Variants in TMEM132B observed in about 807,000 individuals in gnomAD.
TMEM132B encodes the protein transmembrane protein 132B.
TMEM132B carries 18 observed loss-of-function variants against 90.8 expected under a neutral mutation model. The ratio of observed to expected loss-of-function variants is 0.20; its 90% CI spans 0.14 to 0.29. The LOEUF (loss-of-function observed/expected upper bound fraction) is 0.29. Ranked by LOEUF, TMEM132B falls within the 10% of genes least tolerant of loss-of-function variation. TMEM132B has a pLI of 1.00. For missense variants in TMEM132B, 1,096 were observed against 1,326.8 expected (o/e 0.83, Z 2.70); for synonymous variants, 504 against 523.3 (o/e 0.96, Z 0.50).
intron 3 of TMEM132B, among the ~76,000 whole-genome samples, chr12:125,473,941 C>T (rs528783903): frequency 6.6e-6 from 1 of 151,834 alleles, no homozygotes; most frequent in East Asian, 1.9e-4. Context: ...ATCCAAGTTT[C>T]CTTATCCTGA....
intron 1 of TMEM132B, among the ~76,000 whole-genome samples, chr12:125,229,920 G>A (rs1317053556): frequency 1.3e-5 from 2 of 152,236 alleles, no homozygotes; most frequent in African/African-American, 4.8e-5. Context: ...TCTCCCTAAG[G>A]GCATGTGCCC....
intron 4 of TMEM132B, among the ~76,000 whole-genome samples, chr12:125,560,831 CAAAAAAAAAAAA>C (rs58083131): frequency 4.4e-4 from 13 of 29,262 alleles, no homozygotes; most frequent in Admixed American, 3.1e-3. Flanking sequence ...GACTCTGTCT[CAAAAAAAAAAAA>C]AAAAAAAAAA....
At chr12:125,652,110 A>G (rs1886936941) in intron 7 of TMEM132B, among the ~76,000 whole-genome samples, 1 of 152,202 alleles carries the variant, frequency 6.6e-6, no homozygotes, top group Non-Finnish European at 1.5e-5. Context: ...TCTAAATATT[A>G]GTTGTTGGGA....
intron 8 of TMEM132B, among the ~76,000 whole-genome samples, chr12:125,653,095 C>T (rs1298713226): frequency 6.6e-6 from 1 of 152,200 alleles, no homozygotes; most frequent in Non-Finnish European, 1.5e-5. Flanking sequence ...ATACCAGAGC[C>T]ACTGTACCAT....
chr12:125,391,325 G>A (rs528437574), intron 2 of TMEM132B, among the ~76,000 whole-genome samples: 1 of 152,128 alleles, frequency 6.6e-6, no homozygotes, highest in African/African-American at 2.4e-5. Context: ...TCTTTTTTAG[G>A]TTGAAAGCAG....
chr12:125,625,429 G>A (rs755935829), intron 5 of TMEM132B, among the ~76,000 whole-genome samples: 6 of 152,064 alleles, frequency 3.9e-5, no homozygotes, highest in Non-Finnish European at 7.4e-5. Context: ...CACCGCGCCC[G>A]GTCAGATTTG....
chr12:125,228,753 G>A (rs924862257), intron 1 of TMEM132B, among the ~76,000 whole-genome samples: 1 of 152,188 alleles, frequency 6.6e-6, no homozygotes, highest in African/African-American at 2.4e-5. Context: ...TTTTGTTTAG[G>A]AGGTGATGGG....
intron 2 of TMEM132B, among the ~76,000 whole-genome samples, chr12:125,381,527 C>T (rs1878681741): frequency 6.6e-6 from 1 of 152,170 alleles, no homozygotes. Context: ...TGATCTGGGT[C>T]AGTAACTTGG....
At chr12:125,309,592 G>A (rs897712039) in intron 1 of TMEM132B, among the ~76,000 whole-genome samples, 6 of 152,046 alleles carry the variant, frequency 3.9e-5, no homozygotes, top group Admixed American at 1.3e-4. Context: ...CAATACAACA[G>A]GCAAAAATCA....
chr12:125,302,917 T>C (rs1010599759), intron 1 of TMEM132B, among the ~76,000 whole-genome samples: 7 of 152,038 alleles, frequency 4.6e-5, no homozygotes, highest in African/African-American at 1.7e-4. Flanking sequence ...GCCAACATGG[T>C]GAAATCCCGT....
At chr12:125,572,046 T>G (rs1396635692) in intron 4 of TMEM132B, among the ~76,000 whole-genome samples, 1 of 152,256 alleles carries the variant, frequency 6.6e-6, no homozygotes, top group Non-Finnish European at 1.5e-5. Flanking sequence ...ATATTTGAAA[T>G]GGACAAAATG....
intron 3 of TMEM132B, among the ~76,000 whole-genome samples, chr12:125,511,722 G>GT (rs1882982806): frequency 6.6e-6 from 1 of 151,736 alleles, no homozygotes; most frequent in African/African-American, 2.4e-5. Flanking sequence ...TGTGGTGGCG[G>GT]GCGCCTGTAG....
intron 2 of TMEM132B, among the ~76,000 whole-genome samples, chr12:125,352,679 A>C (rs78092977): frequency 4.6e-5 from 7 of 152,276 alleles, no homozygotes; most frequent in Admixed American, 4.6e-4. Flanking sequence ...GGAACTGGGC[A>C]TATAAATTCC....
intron 5 of TMEM132B, among the ~76,000 whole-genome samples, chr12:125,614,136 A>T (rs948002425): frequency 6.6e-6 from 1 of 151,900 alleles, no homozygotes; most frequent in Non-Finnish European, 1.5e-5. Context: ...TAATTTCAAC[A>T]TTTTTTTTAG....
chr12:125,308,394 C>T (rs1201446697), intron 1 of TMEM132B, among the ~76,000 whole-genome samples: 1 of 152,080 alleles, frequency 6.6e-6, no homozygotes, highest in Non-Finnish European at 1.5e-5. Flanking sequence ...CTATTCCCCA[C>T]TTGTGGACAT....
intron 3 of TMEM132B, among the ~76,000 whole-genome samples, chr12:125,505,184 A>AAAAAC (rs1882811578): frequency 6.9e-6 from 1 of 144,296 alleles, no homozygotes. Flanking sequence ...AAAAAAAAAA[A>AAAAAC]AAAAAAAAAA....
At chr12:125,471,991 T>G (rs1275793673) in intron 3 of TMEM132B, among the ~76,000 whole-genome samples, 1 of 152,154 alleles carries the variant, frequency 6.6e-6, no homozygotes, top group African/African-American at 2.4e-5. Flanking sequence ...CTTGTGGTCT[T>G]AATACCTGGC....
chr12:125,330,909 G>A (rs1876747567), intron 1 of TMEM132B, among the ~76,000 whole-genome samples: 1 of 152,262 alleles, frequency 6.6e-6, no homozygotes, highest in African/African-American at 2.4e-5. Flanking sequence ...AGCACATCCT[G>A]TGTTCCTAGC....
chr12:125,334,395 G>GACCGAAA (rs56156280), intron 1 of TMEM132B, among the ~76,000 whole-genome samples: 1 of 151,602 alleles, frequency 6.6e-6, no homozygotes, highest in Non-Finnish European at 1.5e-5. Context: ...GGCGAGGAAG[G>GACCGAAA]GGAGAGGAGC....
Sources: gnomAD v4.1 joint callset for allele counts (sites outside exome capture counted in the v4.1 genomes callset) on GRCh38, gnomAD v4.1.1 for gene constraint, MANE v1.5 for transcripts, NCBI Gene and HGNC (gene_info 2026-07-23, HGNC 2026-07-21) for gene names.